TTK: variants seen among roughly 807,000 people sequenced by gnomAD.
The protein encoded by TTK is dual specificity protein kinase TTK.
In TTK, 59 loss-of-function variants were observed where a neutral mutation model predicts 117.3. The observed-to-expected ratio is 0.50, with a 90% CI of 0.41 to 0.62. The LOEUF is 0.62. Ranked by LOEUF, TTK falls within the 20% of genes least tolerant of loss-of-function variation. The pLI is 0.00. For synonymous variants in TTK, 302 were observed against 325.0 expected, an observed-to-expected ratio of 0.93 and a Z score of 0.76; for missense variants, 921 against 989.4, an observed-to-expected ratio of 0.93 and a Z score of 0.93.
intron 2 of TTK, among the ~76,000 whole-genome samples, chr6:80,006,342 A>G (rs1044594791): frequency 1.3e-5 from 2 of 152,174 alleles, no homozygotes; most frequent in African/African-American, 4.8e-5. Flanking sequence ...TCTTACATCT[A>G]TACTAACCTT....
rs755802728 is a variant in TTK at position 80,039,844 on chromosome 6, C to T, written c.2279C>T (p.Pro760Leu). The part of the protein sequence containing the change: ...PNHEIEFPDI[P>L]EKDLQDVLKC... ...CATGAAATTGAATTTCCCGATATTCCAGAGAAAGATCTTCAAGATGTGTTA... is the reference window on the plus strand; with the variant it reads ...CATGAAATTGAATTTCCCGATATTCTAGAGAAAGATCTTCAAGATGTGTTA... The change falls in exon 19 of 22, where the codon CCA becomes CTA. Residue 760 changes from proline to leucine, a missense_variant. Physicochemically the swap from Pro to Leu is moderately conservative, Grantham distance 98 (BLOSUM62 -3). Coordinates refer to ENST00000369798, the MANE Select transcript of TTK (RefSeq NM_003318.5). 6.3e-7 allele frequency: 1 copy of T among 1,576,890 alleles called. No individual in the cohort carries two copies. Among genetic ancestry groups the T allele is most frequent in the East Asian group, 2.3e-5 (1 of 43,390 alleles).
At position 80,042,372 on chromosome 6, in the gene TTK, T is replaced by TA; in HGVS notation, c.*171dup. ...GAAAACTGTAAAAATAGCAACCACT[T>TA]ATGGCACTGTATATATTGTAGACTT... is the stretch of plus-strand genomic sequence containing the variant. On this transcript the variant is annotated 3_prime_UTR_variant, in exon 22 of 22. Coordinates refer to ENST00000369798, the MANE Select transcript of TTK (RefSeq NM_003318.5). The TA allele has an allele frequency of 4.3e-6, 2 of 460,260 alleles. No homozygotes were observed. The highest frequency in any genetic ancestry group is 9.3e-5 in the South Asian group (2 of 21,608). The allele number at this position is 460,260 out of a possible 1,614,324, so 28.5% of individuals were successfully genotyped here.
intron 16 of TTK, 83 bp downstream of exon 16, chr6:80,035,500 G>T: frequency 7.4e-7 from 1 of 1,350,908 alleles, no homozygotes; most frequent in Non-Finnish European, 9.9e-7. Flanking sequence ...ATAATTTTAG[G>T]GCATTGGTTA....
chr6:80,015,080 C>T (rs1767270855), intron 10 of TTK, among the ~76,000 whole-genome samples: 1 of 152,026 alleles, frequency 6.6e-6, no homozygotes, highest in Admixed American at 6.6e-5. Context: ...AAATGAAATG[C>T]TATGAGAATT....
chr6:80,038,137 T>C (rs1767955984), intron 18 of TTK, 90 bp downstream of exon 18: 1 of 928,286 alleles, frequency 1.1e-6, no homozygotes, highest in Non-Finnish European at 1.5e-6. Flanking sequence ...ACAATTTCTT[T>C]AAGTTCTAAA....
In TTK at chr6:80,035,223, C is replaced by G. The variant is rs530164028; in HGVS notation, c.1773-43C>G. 7 of 1,550,976 alleles carry G rather than the reference C, an allele frequency of 4.5e-6. No homozygotes were observed. In the South Asian group the frequency reaches 5.1e-5, roughly 11 times the overall value. On this transcript the variant is annotated intron_variant, in intron 15 of 21. Coordinates refer to ENST00000369798, the MANE Select transcript of TTK (RefSeq NM_003318.5). Reference sequence around the variant, plus strand: ...AATATTTAGTAAACTTTAATATAACCTAGCCATTTATTGTTTTGTTGCTTT... The same window carrying G: ...AATATTTAGTAAACTTTAATATAACGTAGCCATTTATTGTTTTGTTGCTTT...
chr6:80,028,620 C>T (rs1026748444), intron 13 of TTK, among the ~76,000 whole-genome samples: 12 of 152,080 alleles, frequency 7.9e-5, no homozygotes, highest in South Asian at 2.1e-4. Flanking sequence ...GCCTGGCCAG[C>T]GTTACTTTTT....
intron 8 of TTK, among the ~76,000 whole-genome samples, chr6:80,012,896 C>T (rs142800582): frequency 5.5e-4 from 84 of 152,144 alleles, no homozygotes; most frequent in Middle Eastern, 3.4e-3. Flanking sequence ...TTCCTGTTAT[C>T]GATAGACAAT....
intron 12 of TTK, among the ~76,000 whole-genome samples, chr6:80,027,256 A>G (rs1767631289): frequency 6.6e-6 from 1 of 152,190 alleles, no homozygotes; most frequent in African/African-American, 2.4e-5. Flanking sequence ...TTACCTACTT[A>G]ATATAGTTTT....
intron 4 of TTK, 106 bp from the exon 5 acceptor site, chr6:80,010,708 A>G (rs1274550284): frequency 6.9e-6 from 8 of 1,159,040 alleles, no homozygotes; most frequent in East Asian, 5.0e-5. Context: ...TTTTTGCTTA[A>G]GTCTTTTTGA....
At chr6:80,038,666 A>G (rs1052961392) in intron 18 of TTK, among the ~76,000 whole-genome samples, 10 of 152,146 alleles carry the variant, frequency 6.6e-5, no homozygotes, top group African/African-American at 2.4e-4. Context: ...TATTTACTAA[A>G]TTTTATTTTC....
At chr6:80,026,600 A>T in intron 12 of TTK, 86 bp downstream of exon 12, 1 of 1,548,414 alleles carries the variant, frequency 6.5e-7, no homozygotes, top group East Asian at 2.3e-5. Flanking sequence ...CTGGGATTAA[A>T]TCCTGCTCTT....
intron 14 of TTK, among the ~76,000 whole-genome samples, chr6:80,033,950 A>T (rs239589): frequency 6.6e-6 from 1 of 151,898 alleles, no homozygotes; most frequent in Non-Finnish European, 1.5e-5. Flanking sequence ...ATTTACTTGT[A>T]TGTTTTCAGA....
At chr6:80,028,265 C>G (rs2127678686) in intron 13 of TTK, among the ~76,000 whole-genome samples, 1 of 151,810 alleles carries the variant, frequency 6.6e-6, no homozygotes, top group East Asian at 1.9e-4. Context: ...TAAAATTTCT[C>G]TTATGAATCA....
Position 80,007,991 on chromosome 6 carries a change from A to ACATC in TTK, c.322_323insCATC (p.Ser108ThrfsTer5). On this transcript the variant is annotated frameshift_variant, in exon 3 of 22. Transcript: ENST00000369798. LOFTEE classifies it high-confidence loss of function. ...CCCAGATAAATATGGCCAAAATGAG[A>ACATC]GTTTTGCTAGAATTCAAGTGAGATT... is the stretch of plus-strand genomic sequence containing the variant. The ACATC allele has an allele frequency of 1.3e-6, 2 of 1,591,586 alleles. No individual in the cohort carries two copies. The highest frequency in any genetic ancestry group is 1.7e-6 in the Non-Finnish European group (2 of 1,159,994).
At chr6:80,013,456 T>C in intron 9 of TTK, 90 bp downstream of exon 9, 1 of 1,067,368 alleles carries the variant, frequency 9.4e-7, no homozygotes, top group Non-Finnish European at 1.4e-6. Context: ...AAAGGGTTTA[T>C]AAATAGTTCA....
chr6:80,036,415 T>G, intron 16 of TTK, 60 bp from the exon 17 acceptor site: 1 of 1,529,200 alleles, frequency 6.5e-7, no homozygotes, highest in Admixed American at 2.1e-5. Context: ...AGACTGTGAA[T>G]TTTTTGGTCC....
At position 80,042,368 on chromosome 6, in the gene TTK, CA is replaced by C. The variant is rs1191030067; in HGVS notation, c.*167del. The C allele has an allele frequency of 4.2e-6, 2 of 474,220 alleles. No individual in the cohort carries two copies. The highest frequency in any genetic ancestry group is 7.7e-6 in the Non-Finnish European group (2 of 259,510). 29.4% of individuals were successfully genotyped at this position (474,220 alleles called of 1,614,324 possible). ...AAAAGAAAACTGTAAAAATAGCAAC[CA>C]CTTATGGCACTGTATATATTGTAGA... is the stretch of plus-strand genomic sequence containing the variant. On this transcript the variant is annotated 3_prime_UTR_variant, in exon 22 of 22. Transcript: ENST00000369798.
chr6:80,034,322 A>G (rs949346918), intron 14 of TTK, among the ~76,000 whole-genome samples: 8 of 152,130 alleles, frequency 5.3e-5, no homozygotes, highest in Non-Finnish European at 7.4e-5. Context: ...CACTATCTCT[A>G]TGAAACTGAA....
Sources: allele counts gnomAD v4.1 joint callset (sites outside exome capture counted in the v4.1 genomes callset), GRCh38; gene constraint gnomAD v4.1.1; transcripts MANE v1.5; gene names NCBI Gene and HGNC (gene_info 2026-07-23, HGNC 2026-07-21).